DGKG: variants seen among roughly 807,000 people sequenced by gnomAD.
The protein encoded by DGKG is DAG kinase gamma.
DGKG carries 78 observed loss-of-function variants against 105.3 expected under a neutral mutation model. The ratio of observed to expected loss-of-function variants is 0.74; its 90% CI spans 0.62 to 0.89. The LOEUF (loss-of-function observed/expected upper bound fraction) is 0.89. DGKG is among the 40% of genes least tolerant of loss of function. The probability of loss-of-function intolerance (pLI) is 0.00; values close to 1 mark genes in which losing one functional copy is unlikely to be tolerated. For synonymous variants in DGKG, 346 were observed against 367.1 expected (o/e 0.94, Z 0.66); for missense variants, 958 against 1,020.1 (o/e 0.94, Z 0.83).
intron 13 of DGKG, 52 bp downstream of exon 13, chr3:186,267,633 T>C: frequency 6.8e-7 from 1 of 1,466,114 alleles, no homozygotes. Context: ...TGCCTACATC[T>C]GAAACCAGAA....
intron 5 of DGKG, among the ~76,000 whole-genome samples, chr3:186,289,212 A>G (rs1441011912): frequency 6.6e-6 from 1 of 152,210 alleles, no homozygotes. Context: ...TTTTTTGGGA[A>G]CATACCCAAC....
In DGKG at chr3:186,193,829, G is replaced by C. The variant is rs577687443; in HGVS notation, c.1918-5450C>G. On this transcript the variant is annotated intron_variant, in intron 21 of 24. Transcript: ENST00000265022. ...CGGCCCCAGCGTGGCGCTAAGGAGT[G>C]TGGCGGTCCCCGCGCGCACCGTGGG... Among the ~76,000 whole-genome samples, 17 of 152,348 alleles carry C rather than the reference G, an allele frequency of 1.1e-4. No homozygotes were observed. The East Asian group carries it at 3.3e-3, about 29-fold the overall frequency.
intron 20 of DGKG, among the ~76,000 whole-genome samples, chr3:186,234,508 T>C (rs1191060111): frequency 1.3e-5 from 2 of 152,258 alleles, no homozygotes; most frequent in African/African-American, 4.8e-5. Flanking sequence ...TAAATACTGA[T>C]AACTTTGGGA....
rs1347077409 is a variant in DGKG at position 186,196,164 on chromosome 3, G to C, written c.1918-7785C>G. Among the ~76,000 whole-genome samples, 6 of 134,364 alleles carry C rather than the reference G, an allele frequency of 4.5e-5. No individual in the cohort carries two copies. In the Admixed American group the frequency reaches 4.9e-4, roughly 11 times the overall value. 88.1% of individuals were successfully genotyped at this position (134,364 alleles called of 152,430 possible). On this transcript the variant is annotated intron_variant, in intron 21 of 24. Coordinates refer to ENST00000265022, the MANE Select transcript of DGKG (RefSeq NM_001346.3). ...TTTTTTTTTTTTTTTTTAAGACTGA[G>C]TCTCACTCTGTTGCCCAGGCTAGAG...
chr3:186,292,673 A>AT (rs1723364370), intron 5 of DGKG, among the ~76,000 whole-genome samples: 1 of 138,492 alleles, frequency 7.2e-6, no homozygotes, highest in East Asian at 1.9e-4. Flanking sequence ...GGGTGCCTGT[A>AT]ATCCCAGCTA....
chr3:186,318,094 G>T (rs1211384100), intron 2 of DGKG, among the ~76,000 whole-genome samples: 2 of 152,102 alleles, frequency 1.3e-5, no homozygotes, highest in Non-Finnish European at 2.9e-5. Flanking sequence ...CTCAGACTAG[G>T]TTTCCTCCAA....
At position 186,173,084 on chromosome 3, in the gene DGKG, T is replaced by C. The variant is rs896005526; in HGVS notation, c.2096-8066A>G. 3.9e-5 allele frequency among the ~76,000 whole-genome samples: 6 copies of C among 152,342 alleles called. No individual in the cohort carries two copies. The Middle Eastern group carries it at 0.01, about 259-fold the overall frequency. ...GCATATGGACCTTGGTGTTTCTCTG[T>C]GTTTCCAAATCTCTTCTTATAAGGA... On this transcript the variant is annotated intron_variant, in intron 22 of 24. Transcript: ENST00000265022.
chr3:186,266,597 G>GT (rs1560123932), intron 13 of DGKG, among the ~76,000 whole-genome samples: 1 of 151,958 alleles, frequency 6.6e-6, no homozygotes, highest in Non-Finnish European at 1.5e-5. Flanking sequence ...ATTTTTCAGG[G>GT]TTTTTTATTT....
At chr3:186,350,102 C>G (rs1483105103) in intron 1 of DGKG, among the ~76,000 whole-genome samples, 1 of 152,064 alleles carries the variant, frequency 6.6e-6, no homozygotes. Flanking sequence ...GTTGGCCAGG[C>G]TGGTCTCGAA....
At chr3:186,189,990 C>T (rs543060025) in intron 21 of DGKG, among the ~76,000 whole-genome samples, 226 of 152,230 alleles carry the variant, frequency 1.5e-3, no homozygotes, top group African/African-American at 5.1e-3. Context: ...TTCAGCACTG[C>T]CATCTACCAC....
At chr3:186,254,657 T>C (rs949302266) in intron 17 of DGKG, among the ~76,000 whole-genome samples, 3 of 152,148 alleles carry the variant, frequency 2.0e-5, no homozygotes, top group African/African-American at 7.2e-5. Context: ...AAGCAATCTC[T>C]TCTCTCTATC....
Position 186,265,152 on chromosome 3 carries a change from T to A in DGKG, c.1269+95A>T, listed in dbSNP as rs1167980164. 8 of 1,208,212 alleles carry A rather than the reference T, an allele frequency of 6.6e-6. No individual in the cohort carries two copies. The East Asian group carries it at 1.2e-4, about 18-fold the overall frequency. The allele number at this position is 1,208,212 out of a possible 1,614,324, so 74.8% of individuals were successfully genotyped here. A position where few individuals can be genotyped will look rare whatever the true frequency, so the allele number is the denominator to read the frequency against. Reference sequence around the variant, plus strand: ...ATTAGTCAGATGAGAAGGCAAATGCTGAGATGCTTTTCTGTAGAACCCAAA... The same window carrying A: ...ATTAGTCAGATGAGAAGGCAAATGCAGAGATGCTTTTCTGTAGAACCCAAA... On this transcript the variant is annotated intron_variant, in intron 14 of 24. Coordinates refer to ENST00000265022, the MANE Select transcript of DGKG (RefSeq NM_001346.3).
intron 22 of DGKG, among the ~76,000 whole-genome samples, chr3:186,168,473 C>G (rs1716661999): frequency 6.6e-6 from 1 of 152,190 alleles, no homozygotes; most frequent in Admixed American, 6.5e-5. Flanking sequence ...TCCAATCTGG[C>G]CCATCCAGTT....
At chr3:186,312,458 C>G (rs149872969) in intron 2 of DGKG, among the ~76,000 whole-genome samples, 1 of 152,066 alleles carries the variant, frequency 6.6e-6, no homozygotes, top group East Asian at 1.9e-4. Flanking sequence ...TCACTTGATA[C>G]GCAGGCTCTA....
At position 186,203,887 on chromosome 3, in the gene DGKG, C is replaced by G. The variant is rs1388529478; in HGVS notation, c.1917+7908G>C. On this transcript the variant is annotated intron_variant, in intron 21 of 24. Coordinates refer to ENST00000265022, the MANE Select transcript of DGKG (RefSeq NM_001346.3). This position sits in a 1 kb window ranked among gnomAD's most constrained non-coding sequence, Gnocchi z 4.9. ...TCCTTACTCCAGGGAAAGGCTCTAC[C>G]TGTGGTAGCTGAGAAGAAGGTTCAG... is the stretch of plus-strand genomic sequence containing the variant. Among the ~76,000 whole-genome samples the G allele has an allele frequency of 6.6e-6, 1 of 152,168 alleles. No individual in the cohort carries two copies. The highest frequency in any genetic ancestry group is 1.5e-5 in the Non-Finnish European group (1 of 68,028).
chr3:186,185,483 G>T (rs116170502), intron 22 of DGKG, among the ~76,000 whole-genome samples: 93 of 152,328 alleles, frequency 6.1e-4, no homozygotes, highest in Admixed American at 1.5e-3. Flanking sequence ...GATGAAGGTT[G>T]TCCTTGATCA....
rs112507856 is a variant in DGKG, at chr3:186,149,026, G to A, written c.*1064C>T. On this transcript the variant is annotated 3_prime_UTR_variant, in exon 25 of 25. Coordinates refer to ENST00000265022, the MANE Select transcript of DGKG (RefSeq NM_001346.3). The stretch of plus-strand genomic sequence containing the variant: ...TATACACGCACACACACACACACAC[G>A]CGCGCACACACGTTAAGACCATCAG... The A allele has an allele frequency of 0.096, 92,244 of 965,826 alleles. 3,516 individuals carry two copies. Among genetic ancestry groups the A allele is most frequent in the Middle Eastern group, 0.17 (309 of 1,868 alleles). 59.8% of individuals were successfully genotyped at this position (965,826 alleles called of 1,614,324 possible). A position where few individuals can be genotyped will look rare whatever the true frequency, so the allele number is the denominator to read the frequency against.
chr3:186,294,122 C>T (rs548155297), intron 5 of DGKG, among the ~76,000 whole-genome samples: 1 of 152,238 alleles, frequency 6.6e-6, no homozygotes, highest in Non-Finnish European at 1.5e-5. Flanking sequence ...CTTTTAGTCC[C>T]AGAATGATAC....
In DGKG at chr3:186,323,580, T is replaced by A. The variant is rs563583094; in HGVS notation, c.-248-2873A>T. On this transcript the variant is annotated intron_variant, in intron 1 of 24. Transcript: ENST00000265022. ...AGGCTAAGATGGGCGGATCATGAGG[T>A]CAGGAGATCGAGACCATCCTGGCCA... 1.2e-3 allele frequency among the ~76,000 whole-genome samples: 188 copies of A among 152,200 alleles called. 1 individual carries two copies. The highest frequency in any genetic ancestry group is 4.4e-3 in the African/African-American group (181 of 41,526).
Sources: allele counts gnomAD v4.1 joint callset (sites outside exome capture counted in the v4.1 genomes callset), GRCh38; gene constraint gnomAD v4.1.1; non-coding constraint Gnocchi (gnomAD v3.1); transcripts MANE v1.5; gene names NCBI Gene and HGNC (gene_info 2026-07-23, HGNC 2026-07-21).